Variants in ATP5MF observed in about 807,000 individuals in gnomAD.
ATP5MF encodes the protein ATP synthase membrane subunit f.
In ATP5MF, 10 loss-of-function variants were observed where a neutral mutation model predicts 13.8. The observed-to-expected ratio is 0.72, with a 90% confidence interval of 0.45 to 1.23. The LOEUF is 1.23. Ranked by LOEUF, ATP5MF falls within the 50% of genes most tolerant of loss-of-function variation. The pLI is 0.00. For synonymous variants in ATP5MF, 40 were observed against 45.8 expected (o/e 0.87, Z 0.51); for missense variants, 122 against 118.2 (o/e 1.03, Z -0.15).
chr7:99,462,946 G>A (rs1203855249), intron 1 of ATP5MF, among the ~76,000 whole-genome samples: 4 of 152,240 alleles, frequency 2.6e-5, no homozygotes, highest in African/African-American at 7.2e-5. Flanking sequence ...CAGAGACAGA[G>A]CAGACCCTTG....
chr7:99,465,987 A>G, intron 1 of ATP5MF, 124 bp downstream of exon 1: 4 of 1,538,954 alleles, frequency 2.6e-6, no homozygotes, highest in Non-Finnish European at 2.7e-6. Context: ...GCGCGCCTCA[A>G]GTGAGGTCGT....
chr7:99,460,126 C>G lies in ATP5MF; in HGVS notation c.99G>C (p.Arg33=), dbSNP rs760602316. ...CGAAAATGCCACTAGGACTGAAGTC[C>G]CGCATCAAGATCCAGCTTGGCAGCT... ...LGELPSWILM[R]DFSPSGIFGA... The change falls in exon 2 of 4, where the codon CGG becomes CGC. Residue 33 remains arginine (R), a synonymous_variant. Coordinates refer to ENST00000292475, the MANE Select transcript of ATP5MF (RefSeq NM_004889.5). 2 of 1,614,140 alleles carry G rather than the reference C, an allele frequency of 1.2e-6. No individual in the cohort carries two copies. Among genetic ancestry groups the G allele is most frequent in the South Asian group, 2.2e-5 (2 of 91,070 alleles).
chr7:99,466,146 G>A lies in ATP5MF; in HGVS notation c.-5C>T. 1 of 1,614,186 alleles carries A rather than the reference G, an allele frequency of 6.2e-7. No homozygotes were observed. The highest frequency in any genetic ancestry group is 1.3e-5 in the African/African-American group (1 of 75,058). Reference sequence around the variant, plus strand: ...ACACTCACCAACTGACGCCATTTTGGAGTCCTGGTGTCCGCTGTGCCGGAC... The same window carrying A: ...ACACTCACCAACTGACGCCATTTTGAAGTCCTGGTGTCCGCTGTGCCGGAC... On this transcript the variant is annotated 5_prime_UTR_variant, in exon 1 of 4. Coordinates refer to ENST00000292475, the MANE Select transcript of ATP5MF (RefSeq NM_004889.5).
chr7:99,460,031 A>G, intron 2 of ATP5MF, 55 bp downstream of exon 2: 1 of 1,549,178 alleles, frequency 6.5e-7, no homozygotes. Flanking sequence ...GGCAAAAAAG[A>G]GATCTGAAGA....
In ATP5MF at chr7:99,459,251, T is replaced by C. The variant is rs1286897256; in HGVS notation, c.152A>G (p.Tyr51Cys). The C allele has an allele frequency of 6.2e-7, 1 of 1,613,774 alleles. No homozygotes were observed. Among genetic ancestry groups the C allele is most frequent in the Non-Finnish European group, 8.5e-7 (1 of 1,179,752 alleles). ...FGAFQRGYYRYYNKYINVKKG... is the reference protein window; with the variant it reads ...FGAFQRGYYRCYNKYINVKKG... ...CTTCACATTGATGTACTTGTTGTAG[T>C]ACCGGTAGTAACCTGCAAACGCAAG... The change falls in exon 3 of 4, where the codon TAC (tyrosine) becomes TGC (cysteine). Residue 51 changes from tyrosine to cysteine, a missense_variant. Transcript: ENST00000292475.
In ATP5MF at chr7:99,458,262, T is replaced by C. The variant is rs1202593959; in HGVS notation, c.*65A>G. On this transcript the variant is annotated 3_prime_UTR_variant, in exon 4 of 4. Transcript: ENST00000292475. Reference sequence around the variant, plus strand: ...TGAAAGGATTCAGCAACGATTGAGATTGTGTTCCTCACGGAGGGGCTCGGG... The same window carrying C: ...TGAAAGGATTCAGCAACGATTGAGACTGTGTTCCTCACGGAGGGGCTCGGG... The C allele has an allele frequency of 1.6e-5, 24 of 1,503,506 alleles. No individual in the cohort carries two copies. The South Asian group carries it at 2.1e-4, about 13-fold the overall frequency. The allele number at this position is 1,503,506 out of a possible 1,614,324, so 93.1% of individuals were successfully genotyped here.
chr7:99,462,667 C>T (rs900328288), intron 1 of ATP5MF, among the ~76,000 whole-genome samples: 3 of 148,310 alleles, frequency 2.0e-5, no homozygotes, highest in Non-Finnish European at 3.0e-5. Context: ...CCCCGCTACT[C>T]GGGAGGCTGA....
Position 99,459,136 on chromosome 7 carries a change from G to C in ATP5MF, c.256+11C>G. The C allele has an allele frequency of 1.9e-6, 3 of 1,603,730 alleles. No homozygotes were observed. The South Asian group carries it at 3.3e-5, about 18-fold the overall frequency. On this transcript the variant is annotated intron_variant, in intron 3 of 3. Coordinates refer to ENST00000292475, the MANE Select transcript of ATP5MF (RefSeq NM_004889.5). ...TGGGAACTAAAGGCAAGACGCCGCAGAGGCACTCACTGAGATGCTTGTAGG... is the reference window on the plus strand; with the variant it reads ...TGGGAACTAAAGGCAAGACGCCGCACAGGCACTCACTGAGATGCTTGTAGG...
chr7:99,462,580 G>A (rs948479017), intron 1 of ATP5MF, among the ~76,000 whole-genome samples: 6 of 152,032 alleles, frequency 3.9e-5, no homozygotes, highest in African/African-American at 1.5e-4. Context: ...TTCAAGACCA[G>A]CCTGGCCAAC....
chr7:99,464,903 G>C (rs1798786953), intron 1 of ATP5MF, among the ~76,000 whole-genome samples: 1 of 151,620 alleles, frequency 6.6e-6, no homozygotes, highest in Admixed American at 6.6e-5. Flanking sequence ...GGGAGGCAGA[G>C]GTTGCAGAGA....
chr7:99,460,628 T>TCA, intron 1 of ATP5MF: 9 of 451,024 alleles, frequency 2.0e-5, no homozygotes, highest in South Asian at 1.4e-4. Context: ...GTGACCAAAG[T>TCA]CACACACACA....
chr7:99,463,988 A>T (rs1798729643), intron 1 of ATP5MF, among the ~76,000 whole-genome samples: 1 of 152,100 alleles, frequency 6.6e-6, no homozygotes, highest in Non-Finnish European at 1.5e-5. Context: ...TACCTAAAAG[A>T]TCATCAATAC....
intron 1 of ATP5MF, among the ~76,000 whole-genome samples, chr7:99,465,839 G>T (rs1303977217): frequency 6.6e-6 from 1 of 152,244 alleles, no homozygotes; most frequent in Non-Finnish European, 1.5e-5. Context: ...TTAGCGGAAA[G>T]AGGAACAGTG....
intron 1 of ATP5MF, chr7:99,460,432 T>TA: frequency 1.4e-6 from 1 of 695,548 alleles, no homozygotes; most frequent in South Asian, 1.4e-5. Flanking sequence ...GACGTCTGAG[T>TA]AACAGCTTGC....
intron 1 of ATP5MF, among the ~76,000 whole-genome samples, chr7:99,463,177 T>C (rs573699226): frequency 6.6e-6 from 1 of 152,358 alleles, no homozygotes; most frequent in African/African-American, 2.4e-5. Context: ...GTAATGGTTG[T>C]AGAACCACAG....
rs754897657 is a variant in ATP5MF, at chr7:99,458,312, C to T, written c.*15G>A. The T allele has an allele frequency of 6.2e-7, 1 of 1,608,826 alleles. No individual in the cohort carries two copies. The highest frequency in any genetic ancestry group is 1.1e-5 in the South Asian group (1 of 89,584). ...GCCAAGGTCGTGGGGTGGGGGGGTG[C>T]AGAGTGTGTCCTCTTCAGTGGTATT... On this transcript the variant is annotated 3_prime_UTR_variant, in exon 4 of 4. Coordinates refer to ENST00000292475, the MANE Select transcript of ATP5MF (RefSeq NM_004889.5).
In ATP5MF at chr7:99,461,344, G is replaced by A. The variant is rs142192848; in HGVS notation, c.32-1151C>T. Among the ~76,000 whole-genome samples the A allele has an allele frequency of 3.5e-4, 53 of 152,128 alleles. No individual in the cohort carries two copies. The East Asian group carries it at 8.1e-3, about 23-fold the overall frequency. On this transcript the variant is annotated intron_variant, in intron 1 of 3. Transcript: ENST00000292475. ...CCTGCCTCAACCTCCTGAACAGCTG[G>A]GACTACAGGTGTGTGCCACCACACC...
At position 99,460,132 on chromosome 7, in the gene ATP5MF, C is replaced by T. The variant is rs750776284; in HGVS notation, c.93G>A (p.Leu31=). 8.7e-6 allele frequency: 14 copies of T among 1,614,192 alleles called. No individual in the cohort carries two copies. In the Middle Eastern group the frequency reaches 4.9e-4, roughly 57 times the overall value. ...TGCCACTAGGACTGAAGTCCCGCAT[C>T]AAGATCCAGCTTGGCAGCTCCCCCA... The part of the protein sequence containing the change: ...VKLGELPSWI[L]MRDFSPSGIF... The change falls in exon 2 of 4, where the codon TTG becomes TTA. Residue 31 remains leucine (L), a synonymous_variant. Transcript: ENST00000292475.
chr7:99,464,998 A>G (rs1363956610), intron 1 of ATP5MF, among the ~76,000 whole-genome samples: 1 of 151,498 alleles, frequency 6.6e-6, no homozygotes, highest in East Asian at 1.9e-4. Flanking sequence ...AGTGGCTCAC[A>G]CCTGTAGTCC....
Sources: gnomAD v4.1 joint callset for allele counts (sites outside exome capture counted in the v4.1 genomes callset) on GRCh38, gnomAD v4.1.1 for gene constraint, MANE v1.5 for transcripts, NCBI Gene and HGNC (gene_info 2026-07-23, HGNC 2026-07-21) for gene names.